MAGI1: variants seen among roughly 807,000 people sequenced by gnomAD.
MAGI1 encodes the protein membrane associated guanylate kinase, WW and PDZ domain containing 1, also known as membrane-associated guanylate kinase, WW and PDZ domain-containing protein 1.
In MAGI1, 58 loss-of-function variants were observed where a neutral mutation model predicts 139.9. The ratio of observed to expected loss-of-function variants is 0.41; its 90% confidence interval spans 0.34 to 0.52. MAGI1 has a LOEUF of 0.52. Among genes scored for constraint, MAGI1 ranks in the 20% least tolerant of loss-of-function variants. The pLI, the probability that MAGI1 is intolerant of heterozygous loss-of-function variation, is 0.12. For synonymous variants in MAGI1, 812 were observed against 737.9 expected (o/e 1.10, Z -1.63); for missense variants, 1,874 against 1,901.6 (o/e 0.99, Z 0.27).
intron 1 of MAGI1, among the ~76,000 whole-genome samples, chr3:66,029,934 C>T (rs2068505001): frequency 6.6e-6 from 1 of 152,146 alleles, no homozygotes; most frequent in Admixed American, 6.5e-5. Context: ...CCCCTTGTTA[C>T]CGTCATTTCC....
chr3:65,871,374 C>T (rs570819068), intron 1 of MAGI1, among the ~76,000 whole-genome samples: 3 of 152,334 alleles, frequency 2.0e-5, no homozygotes, highest in East Asian at 1.9e-4. Context: ...TTTCTTCATG[C>T]ACCTGTGTAA....
intron 2 of MAGI1, among the ~76,000 whole-genome samples, chr3:65,574,952 A>C (rs2081116370): frequency 1.3e-5 from 2 of 152,136 alleles, no homozygotes; most frequent in Admixed American, 1.3e-4. Flanking sequence ...ACATAAAACT[A>C]AAACCGAAAA....
chr3:65,832,506 T>C (rs2042583243), intron 1 of MAGI1, among the ~76,000 whole-genome samples: 1 of 152,052 alleles, frequency 6.6e-6, no homozygotes, highest in Non-Finnish European at 1.5e-5. Context: ...TCCATGCCTA[T>C]CTGCTTGGCA....
At chr3:65,905,520 T>G (rs922277053) in intron 1 of MAGI1, among the ~76,000 whole-genome samples, 2 of 152,136 alleles carry the variant, frequency 1.3e-5, no homozygotes, top group Non-Finnish European at 2.9e-5. Flanking sequence ...TTTTCTTATT[T>G]TTTTAGAGAC....
chr3:65,832,157 A>G (rs2042565297), intron 1 of MAGI1, among the ~76,000 whole-genome samples: 1 of 152,186 alleles, frequency 6.6e-6, no homozygotes, highest in Non-Finnish European at 1.5e-5. Context: ...AAAGGCAACA[A>G]CTGCACAGCC....
chr3:65,806,977 T>C (rs2040900808), intron 1 of MAGI1, among the ~76,000 whole-genome samples: 1 of 152,156 alleles, frequency 6.6e-6, no homozygotes, highest in Non-Finnish European at 1.5e-5. Context: ...AATAAAATAA[T>C]AAAAACAATT....
At position 66,002,069 on chromosome 3, in the gene MAGI1, T is replaced by G. The variant is rs148021318; in HGVS notation, c.313+35927A>C. 1.6e-3 allele frequency among the ~76,000 whole-genome samples: 250 copies of G among 152,250 alleles called. 1 individual carries two copies. In the East Asian group the frequency reaches 0.017, roughly 10 times the overall value. ...GGCTTCCTGCCTCAATTTCATAGAT[T>G]GAGTCTCATAAACAAAAACAAATGC... On this transcript the variant is annotated intron_variant, in intron 1 of 22. Transcript: ENST00000402939.
chr3:65,939,455 G>A (rs887066096), intron 1 of MAGI1, among the ~76,000 whole-genome samples: 26 of 152,150 alleles, frequency 1.7e-4, no homozygotes, highest in Non-Finnish European at 3.7e-4. Flanking sequence ...TGATGACAGT[G>A]GATCTTAAAT....
At chr3:65,766,993 G>A (rs2037539635) in intron 1 of MAGI1, among the ~76,000 whole-genome samples, 1 of 152,138 alleles carries the variant, frequency 6.6e-6, no homozygotes, top group Admixed American at 6.5e-5. Flanking sequence ...ACCGTCTTGG[G>A]CAGGTCATAT....
At position 65,357,067 on chromosome 3, in the gene MAGI1, G is replaced by T; in HGVS notation, c.3700C>A (p.Pro1234Thr). 1 of 1,614,176 alleles carries T rather than the reference G, an allele frequency of 6.2e-7. No homozygotes were observed. The highest frequency in any genetic ancestry group is 8.5e-7 in the Non-Finnish European group (1 of 1,180,030). The change falls in exon 23 of 23, where the codon CCC becomes ACC. Residue 1234 changes from proline to threonine, a missense_variant. Coordinates refer to ENST00000402939, the MANE Select transcript of MAGI1 (RefSeq NM_001033057.2). ...PQGVPEVRAGPDRRQHPSLES... is the reference protein window; with the variant it reads ...PQGVPEVRAGTDRRQHPSLES... ...AATGACGGATGCTGCCGGCGGTCGGGCCCGGCCCTCACTTCCGGAACACCT... is the reference window on the plus strand; with the variant it reads ...AATGACGGATGCTGCCGGCGGTCGGTCCCGGCCCTCACTTCCGGAACACCT...
At chr3:65,955,832 G>T (rs184864962) in intron 1 of MAGI1, among the ~76,000 whole-genome samples, 1 of 151,934 alleles carries the variant, frequency 6.6e-6, no homozygotes, top group Non-Finnish European at 1.5e-5. Context: ...CACTGAGGCC[G>T]CCAGTCACAA....
At chr3:65,509,268 T>C (rs549692106) in intron 2 of MAGI1, among the ~76,000 whole-genome samples, 3 of 152,212 alleles carry the variant, frequency 2.0e-5, no homozygotes, top group African/African-American at 7.2e-5. Context: ...ACACATAACA[T>C]ATGTTACATT....
At chr3:65,493,901 T>C (rs1391586024) in intron 2 of MAGI1, among the ~76,000 whole-genome samples, 2 of 152,186 alleles carry the variant, frequency 1.3e-5, no homozygotes, top group African/African-American at 4.8e-5. Context: ...TTTTATACCA[T>C]TTTTGATAAT....
chr3:66,005,594 T>C (rs1395548489), intron 1 of MAGI1, among the ~76,000 whole-genome samples: 3 of 151,992 alleles, frequency 2.0e-5, no homozygotes, highest in Non-Finnish European at 2.9e-5. Context: ...TTCCTAAATC[T>C]CCCACGCCTT....
In MAGI1 at chr3:65,439,895, C is replaced by CTGT; in HGVS notation, c.1253_1254insACA (p.Gln421dup). The CTGT allele has an allele frequency of 6.2e-7, 1 of 1,606,430 alleles. No homozygotes were observed. The highest frequency in any genetic ancestry group is 8.5e-7 in the Non-Finnish European group (1 of 1,175,824). On this transcript the variant is annotated inframe_insertion, in exon 9 of 23. Transcript: ENST00000402939. ...GAGGCCAACCTTCTGTCTGCTGCTG[C>CTGT]TGCTGCTGCTGCTGCTGCTGTTGCT...
intron 1 of MAGI1, among the ~76,000 whole-genome samples, chr3:65,933,844 G>A (rs947022245): frequency 2.0e-5 from 3 of 152,252 alleles, no homozygotes; most frequent in East Asian, 1.9e-4. Context: ...TCCCCATTCC[G>A]GTCAGGTGCG....
chr3:65,685,876 T>C (rs78992808), intron 1 of MAGI1, among the ~76,000 whole-genome samples: 289 of 152,300 alleles, frequency 1.9e-3, no homozygotes, highest in African/African-American at 6.7e-3. Context: ...CTGTGGTTAC[T>C]AGGAAGTTAG....
At chr3:65,748,321 G>A (rs542694121) in intron 1 of MAGI1, among the ~76,000 whole-genome samples, 1 of 152,280 alleles carries the variant, frequency 6.6e-6, no homozygotes, top group East Asian at 1.9e-4. Flanking sequence ...TGTGTGTCAA[G>A]TAGAACACTA....
At chr3:65,735,568 T>C (rs2034651689) in intron 1 of MAGI1, among the ~76,000 whole-genome samples, 1 of 152,136 alleles carries the variant, frequency 6.6e-6, no homozygotes, top group Non-Finnish European at 1.5e-5. Context: ...GCACTGAATT[T>C]GGTATTCACG....
Sources: gnomAD v4.1 joint callset for allele counts (sites outside exome capture counted in the v4.1 genomes callset) on GRCh38, gnomAD v4.1.1 for gene constraint, MANE v1.5 for transcripts, NCBI Gene and HGNC (gene_info 2026-07-23, HGNC 2026-07-21) for gene names.